Variants in GRB14 observed in about 807,000 individuals in gnomAD.
GRB14 encodes the protein growth factor receptor-bound protein 14.
Under a neutral mutation model 69.1 loss-of-function variants are expected in GRB14, and 38 were observed. That is an observed-to-expected ratio of 0.55 (90% confidence interval 0.42 to 0.72). The LOEUF (loss-of-function observed/expected upper bound fraction) is 0.72, where lower values mean the gene tolerates loss of function less well. Ranked by LOEUF, GRB14 falls within the 30% of genes least tolerant of loss-of-function variation. GRB14 has a pLI of 0.00. For missense variants in GRB14, 666 were observed against 666.1 expected (o/e 1.00, Z 0.00); for synonymous variants, 247 against 241.3 (o/e 1.02, Z -0.22).
intron 8 of GRB14, among the ~76,000 whole-genome samples, chr2:164,506,920 T>C (rs1034149011): frequency 6.6e-6 from 1 of 151,996 alleles, no homozygotes; most frequent in African/African-American, 2.4e-5. Context: ...ATACCTACAA[T>C]AGGTAAATCC....
chr2:164,495,422 C>T (rs1248686073), intron 12 of GRB14, among the ~76,000 whole-genome samples: 2 of 151,962 alleles, frequency 1.3e-5, no homozygotes, highest in Admixed American at 6.6e-5. Context: ...ATCCAAAAAA[C>T]ACATACTTTA....
intron 2 of GRB14, among the ~76,000 whole-genome samples, chr2:164,608,590 AGAAAAAAG>A (rs1558882387): frequency 1.4e-5 from 2 of 147,760 alleles, no homozygotes; most frequent in Non-Finnish European, 3.0e-5. Flanking sequence ...ATGGAAAAAA[AGAAAAAAG>A]AAAAAAAGTT....
intron 2 of GRB14, among the ~76,000 whole-genome samples, chr2:164,553,859 C>T (rs1344408731): frequency 6.6e-6 from 1 of 152,072 alleles, no homozygotes; most frequent in Non-Finnish European, 1.5e-5. Context: ...GAGGCTGAGG[C>T]AGGAGAATCG....
At chr2:164,521,148 A>G (rs1687623599) in intron 6 of GRB14, among the ~76,000 whole-genome samples, 1 of 152,114 alleles carries the variant, frequency 6.6e-6, no homozygotes, top group Admixed American at 6.6e-5. Flanking sequence ...ATTGTGAGAT[A>G]GACAGACAGA....
At chr2:164,538,499 C>T (rs2105301163) in intron 3 of GRB14, among the ~76,000 whole-genome samples, 1 of 152,304 alleles carries the variant, frequency 6.6e-6, no homozygotes, top group Non-Finnish European at 1.5e-5. Flanking sequence ...TGGTTTACTA[C>T]ATCATGAAAG....
chr2:164,554,630 G>T (rs746408536), intron 2 of GRB14, among the ~76,000 whole-genome samples: 2 of 152,076 alleles, frequency 1.3e-5, no homozygotes, highest in Non-Finnish European at 2.9e-5. Flanking sequence ...TTGGCCTTTG[G>T]AGTAGTTTAC....
In GRB14 at chr2:164,493,099, A is replaced by T; in HGVS notation, c.1560T>A (p.Tyr520Ter). 2 of 1,613,644 alleles carry T rather than the reference A, an allele frequency of 1.2e-6. No individual in the cohort carries two copies. The highest frequency in any genetic ancestry group is 1.7e-6 in the Non-Finnish European group (2 of 1,179,642). ...FTDLIQLVEF[Y>*]QLNKGVLPCK... ...AAGGAAGAACGCCCTTATTGAGTTGATAGAACTCCACCAGCTGTATTAGAT... is the reference window on the plus strand; with the variant it reads ...AAGGAAGAACGCCCTTATTGAGTTGTTAGAACTCCACCAGCTGTATTAGAT... Residue 520 changes from tyrosine (Y) to a stop codon, truncating the protein, a stop_gained, in exon 14 of 14, where the codon TAT becomes TAA. Coordinates refer to ENST00000263915, the MANE Select transcript of GRB14 (RefSeq NM_004490.3). LOFTEE classifies it high-confidence loss of function.
chr2:164,524,200 CA>C (rs2105285284), intron 5 of GRB14, among the ~76,000 whole-genome samples: 1 of 152,122 alleles, frequency 6.6e-6, no homozygotes, highest in Non-Finnish European at 1.5e-5. Flanking sequence ...CATTAAAGAT[CA>C]GGGGATACTG....
chr2:164,567,447 A>C (rs1232926430), intron 2 of GRB14, among the ~76,000 whole-genome samples: 2 of 152,188 alleles, frequency 1.3e-5, no homozygotes, highest in Non-Finnish European at 2.9e-5. Flanking sequence ...TTAACAGTTA[A>C]CTATTAAAAG....
intron 8 of GRB14, among the ~76,000 whole-genome samples, chr2:164,503,119 T>C (rs944813431): frequency 6.6e-6 from 1 of 150,390 alleles, no homozygotes; most frequent in African/African-American, 2.4e-5. Context: ...CCTGGAGGTT[T>C]CCACATCTGA....
chr2:164,607,960 T>G (rs1690079349), intron 2 of GRB14, among the ~76,000 whole-genome samples: 1 of 152,218 alleles, frequency 6.6e-6, no homozygotes, highest in South Asian at 2.1e-4. Context: ...CAGATTTAGT[T>G]TCTAAAGAAA....
At chr2:164,611,028 G>T (rs977620627) in intron 2 of GRB14, among the ~76,000 whole-genome samples, 1 of 151,838 alleles carries the variant, frequency 6.6e-6, no homozygotes, top group Non-Finnish European at 1.5e-5. Flanking sequence ...AAACAGCTAC[G>T]ATAAAGCCTT....
chr2:164,512,682 A>G (rs774837541), intron 6 of GRB14, among the ~76,000 whole-genome samples: 6 of 152,322 alleles, frequency 3.9e-5, no homozygotes, highest in Middle Eastern at 6.8e-3. Context: ...ATGCACACAC[A>G]TAAGACCCAC....
At chr2:164,561,411 T>C (rs1295624663) in intron 2 of GRB14, among the ~76,000 whole-genome samples, 4 of 152,196 alleles carry the variant, frequency 2.6e-5, no homozygotes, top group Non-Finnish European at 5.9e-5. Context: ...ACAGTCCTGT[T>C]GAGCTCTAAG....
Position 164,621,332 on chromosome 2 carries a change from G to A in GRB14, c.-23C>T, listed in dbSNP as rs754074967. On this transcript the variant is annotated 5_prime_UTR_variant, in exon 1 of 14. Coordinates refer to ENST00000263915, the MANE Select transcript of GRB14 (RefSeq NM_004490.3). The surrounding 1 kb of genome is among the most constrained non-coding windows in gnomAD (Gnocchi z 6.0). ...CATTGTCGCCGGCCGGGGGGCTCGG[G>A]CGTCATGGGAGACTCGGCGCGTGGG... is the stretch of plus-strand genomic sequence containing the variant. The A allele has an allele frequency of 7.0e-6, 9 of 1,279,148 alleles. No individual in the cohort carries two copies. The highest frequency in any genetic ancestry group is 3.2e-5 in the Admixed American group (1 of 31,268). 79.2% of individuals were successfully genotyped at this position (1,279,148 alleles called of 1,614,324 possible).
At chr2:164,615,556 A>G (rs1690269918) in intron 2 of GRB14, among the ~76,000 whole-genome samples, 1 of 152,178 alleles carries the variant, frequency 6.6e-6, no homozygotes, top group Non-Finnish European at 1.5e-5. Context: ...AGGGACTGTC[A>G]AAGCCTCAAG....
At chr2:164,538,662 G>A (rs1221933800) in intron 3 of GRB14, among the ~76,000 whole-genome samples, 2 of 152,118 alleles carry the variant, frequency 1.3e-5, no homozygotes, top group African/African-American at 2.4e-5. Flanking sequence ...GACTGACTCT[G>A]CCTATTAAAA....
At chr2:164,550,428 C>A (rs541793806) in intron 2 of GRB14, among the ~76,000 whole-genome samples, 1 of 152,304 alleles carries the variant, frequency 6.6e-6, no homozygotes, top group African/African-American at 2.4e-5. Flanking sequence ...TCTATTACAG[C>A]AGCTAATGTT....
intron 5 of GRB14, among the ~76,000 whole-genome samples, chr2:164,522,360 G>C (rs772283741): frequency 1.3e-5 from 2 of 151,928 alleles, no homozygotes; most frequent in African/African-American, 2.4e-5. Flanking sequence ...TACACACACA[G>C]AAAATAAATC....
Sources: gnomAD v4.1 joint callset for allele counts (sites outside exome capture counted in the v4.1 genomes callset) on GRCh38, gnomAD v4.1.1 for gene constraint, Gnocchi (gnomAD v3.1) non-coding constraint, MANE v1.5 for transcripts, NCBI Gene and HGNC (gene_info 2026-07-23, HGNC 2026-07-21) for gene names.